Variants in SH3KBP1 observed in about 807,000 individuals in gnomAD.
The protein encoded by SH3KBP1 is SH3 domain containing kinase binding protein 1.
Under a neutral mutation model 50.1 loss-of-function variants are expected in SH3KBP1, and 8 were observed. The observed-to-expected ratio is 0.16, with a 90% CI of 0.09 to 0.29. The LOEUF (loss-of-function observed/expected upper bound fraction) is 0.29. Among genes scored for constraint, SH3KBP1 ranks in the 10% least tolerant of loss-of-function variants. The pLI is 1.00. For missense variants in SH3KBP1, 377 were observed against 535.2 expected, an observed-to-expected ratio of 0.70 and a Z score of 2.92; for synonymous variants, 227 against 218.6, an observed-to-expected ratio of 1.04 and a Z score of -0.34.
chrX:19,545,251 G>T (rs780008156), intron 15 of SH3KBP1, among the ~76,000 whole-genome samples: 5 of 111,924 alleles, frequency 4.5e-5, no homozygotes, highest in Non-Finnish European at 5.6e-5. Context: ...TTTCTTAGTG[G>T]GAGAAAATGG....
chrX:19,758,065 C>T (rs2065263217), intron 2 of SH3KBP1, among the ~76,000 whole-genome samples: 1 of 110,364 alleles, frequency 9.1e-6, no homozygotes, highest in Non-Finnish European at 1.9e-5. Flanking sequence ...GTGGCTCACA[C>T]CTGTAATCCC....
chrX:19,716,198 C>G (rs1007993407), intron 3 of SH3KBP1, among the ~76,000 whole-genome samples: 1 of 112,137 alleles, frequency 8.9e-6, no homozygotes, highest in Admixed American at 9.4e-5. Flanking sequence ...CATTTCCACT[C>G]GTCATCCTGT....
chrX:19,720,900 A>T (rs2064042311), intron 3 of SH3KBP1, among the ~76,000 whole-genome samples: 1 of 111,009 alleles, frequency 9.0e-6, no homozygotes, highest in Non-Finnish European at 1.9e-5. Context: ...GGGGTGGGAG[A>T]TACACACCAT....
intron 2 of SH3KBP1, among the ~76,000 whole-genome samples, chrX:19,768,323 GA>G (rs986086183): frequency 5.7e-5 from 6 of 106,024 alleles, no homozygotes; most frequent in Non-Finnish European, 9.7e-5. Flanking sequence ...GTTGAAGGGG[GA>G]AAAAAAGCAC....
chrX:19,715,061 C>T (rs896666681), intron 3 of SH3KBP1, among the ~76,000 whole-genome samples: 1 of 110,962 alleles, frequency 9.0e-6, no homozygotes, highest in Non-Finnish European at 1.9e-5. Context: ...ATCACTTGAG[C>T]CCAGGAGTTC....
chrX:19,588,152 G>C (rs1211703771), intron 12 of SH3KBP1: 1 of 271,105 alleles, frequency 3.7e-6, no homozygotes, highest in African/African-American at 2.8e-5. Context: ...GACGTTCCTG[G>C]CTCGGGGTTC....
intron 4 of SH3KBP1, among the ~76,000 whole-genome samples, chrX:19,701,031 A>G (rs185011539): frequency 8.9e-6 from 1 of 112,166 alleles, no homozygotes; most frequent in African/African-American, 3.2e-5. Context: ...ACTTAGGCCA[A>G]CTGCCCAACA....
intron 1 of SH3KBP1, among the ~76,000 whole-genome samples, chrX:19,836,578 C>T (rs1389677046): frequency 9.0e-6 from 1 of 111,706 alleles, no homozygotes; most frequent in Non-Finnish European, 1.9e-5. Context: ...ATTTGCCCCA[C>T]CCAGAGGGTG....
chrX:19,786,294 G>T (rs1427195512), intron 2 of SH3KBP1, among the ~76,000 whole-genome samples: 1 of 111,229 alleles, frequency 9.0e-6, no homozygotes, highest in Non-Finnish European at 1.9e-5. Flanking sequence ...CAGGGAAGAA[G>T]GGAAGAATGA....
At chrX:19,781,638 T>C (rs1024878237) in intron 2 of SH3KBP1, among the ~76,000 whole-genome samples, 11 of 107,712 alleles carry the variant, frequency 1.0e-4, no homozygotes, top group Admixed American at 3.0e-4. Context: ...AAACAACTCA[T>C]ATGAAACATC....
chrX:19,882,031 G>A (rs1264701566), intron 1 of SH3KBP1, among the ~76,000 whole-genome samples: 1 of 110,960 alleles, frequency 9.0e-6, no homozygotes, highest in African/African-American at 3.3e-5. Flanking sequence ...GGGGAAGAGT[G>A]GGACAAGCTG....
chrX:19,752,451 G>A (rs2065092315), intron 2 of SH3KBP1, among the ~76,000 whole-genome samples: 1 of 112,575 alleles, frequency 8.9e-6, no homozygotes. Flanking sequence ...GAAATTCACA[G>A]TCATAATGTT....
intron 12 of SH3KBP1, among the ~76,000 whole-genome samples, chrX:19,572,446 CATGTT>C (rs1477774744): frequency 9.6e-6 from 1 of 104,672 alleles, no homozygotes; most frequent in South Asian, 3.9e-4. Context: ...TTATATAGTA[CATGTT>C]ATATATAGTA....
intron 1 of SH3KBP1, among the ~76,000 whole-genome samples, chrX:19,863,297 A>T (rs2068823526): frequency 9.0e-6 from 1 of 111,260 alleles, no homozygotes; most frequent in African/African-American, 3.3e-5. Context: ...TCCTGAGCTC[A>T]AGTAATCCTT....
At chrX:19,874,725 G>T (rs778551979) in intron 1 of SH3KBP1, among the ~76,000 whole-genome samples, 1 of 103,174 alleles carries the variant, frequency 9.7e-6, no homozygotes, top group South Asian at 4.7e-4. Flanking sequence ...GGGGTGGACA[G>T]TGAGGATGCG....
At chrX:19,699,116 C>T (rs1377827597) in intron 4 of SH3KBP1, among the ~76,000 whole-genome samples, 1 of 111,813 alleles carries the variant, frequency 8.9e-6, no homozygotes, top group Non-Finnish European at 1.9e-5. Flanking sequence ...AAGCACCTAT[C>T]TTGCACTGCC....
chrX:19,554,235 ATAT>A (rs2065392674), intron 13 of SH3KBP1, among the ~76,000 whole-genome samples: 1 of 67,399 alleles, frequency 1.5e-5, no homozygotes, highest in Non-Finnish European at 2.6e-5. Flanking sequence ...ATATTAAAAT[ATAT>A]TATATATATT....
chrX:19,867,480 C>A (rs2068942807), intron 1 of SH3KBP1, among the ~76,000 whole-genome samples: 1 of 111,814 alleles, frequency 8.9e-6, no homozygotes, highest in Admixed American at 9.5e-5. Context: ...GTTTATAAAC[C>A]CCAGGAAAGT....
chrX:19,849,500 C>T (rs745606133), intron 1 of SH3KBP1, among the ~76,000 whole-genome samples: 12 of 109,643 alleles, frequency 1.1e-4, no homozygotes, highest in Admixed American at 7.8e-4. Flanking sequence ...ACCAGCCTGG[C>T]CAACATGGTA....
Sources: allele counts gnomAD v4.1 joint callset (sites outside exome capture counted in the v4.1 genomes callset), GRCh38; gene constraint gnomAD v4.1.1; transcripts MANE v1.5; gene names NCBI Gene and HGNC (gene_info 2026-07-23, HGNC 2026-07-21).